The following NIN variants were observed in gnomAD, a reference collection of about 807,000 sequenced individuals.
NIN encodes the protein ninein.
A neutral mutation model predicts 257.6 loss-of-function variants in NIN; 137 were observed. That is an observed-to-expected ratio of 0.53 (90% CI 0.46 to 0.61). NIN has a LOEUF of 0.61. Among genes scored for constraint, NIN ranks in the 20% least tolerant of loss-of-function variants. The probability of loss-of-function intolerance (pLI) is 0.00; values close to 1 mark genes in which losing one functional copy is unlikely to be tolerated. For synonymous variants in NIN, 918 were observed against 919.8 expected (o/e 1.00, Z 0.04); for missense variants, 2,439 against 2,501.2 (o/e 0.98, Z 0.53).
chr14:50,797,386 GA>G (rs760497176), intron 4 of NIN, among the ~76,000 whole-genome samples: 1 of 152,132 alleles, frequency 6.6e-6, no homozygotes, highest in East Asian at 1.9e-4. Context: ...GTGAGCCTGG[GA>G]AATCATTCCC....
intron 5 of NIN, among the ~76,000 whole-genome samples, chr14:50,791,420 C>T (rs2043584093): frequency 6.6e-6 from 1 of 152,018 alleles, no homozygotes; most frequent in African/African-American, 2.4e-5. Flanking sequence ...ACTTCTCATC[C>T]ACACTACTCT....
In NIN at chr14:50,725,178, C is replaced by G. The variant is rs190277044; in HGVS notation, c.6192+775G>C. 1.4e-3 allele frequency among the ~76,000 whole-genome samples: 220 copies of G among 152,252 alleles called. 2 individuals carry two copies. Among genetic ancestry groups the G allele is most frequent in the Non-Finnish European group, 5.0e-4 (34 of 68,014 alleles). On this transcript the variant is annotated intron_variant, in intron 30 of 30. Coordinates refer to ENST00000530997, the MANE Select transcript of NIN (RefSeq NM_020921.4). ...CTGTCTACAGCTGAATTCAGACCCT[C>G]TCTTGGGGTTGTTATTCTTAGCTTT...
At chr14:50,783,209 C>T (rs931169131) in intron 5 of NIN, among the ~76,000 whole-genome samples, 37 of 131,002 alleles carry the variant, frequency 2.8e-4, no homozygotes, top group African/African-American at 1.1e-3. Flanking sequence ...CTACCACGCC[C>T]GGCTCATTTT....
In NIN at chr14:50,770,575, A is replaced by G. The variant is rs201638942; in HGVS notation, c.1260-13T>C. 2.3e-4 allele frequency: 375 copies of G among 1,611,858 alleles called. No homozygotes were observed. The highest frequency in any genetic ancestry group is 1.5e-3 in the Middle Eastern group (9 of 6,048). On this transcript the variant is annotated splice_polypyrimidine_tract_variant and intron_variant, in intron 11 of 30. Coordinates refer to ENST00000530997, the MANE Select transcript of NIN (RefSeq NM_020921.4). ...TTCATCCAGTTTCCTGTAACGAAGAAAAATGGACAAGCTGCCATCACGTCT... is the reference window on the plus strand; with the variant it reads ...TTCATCCAGTTTCCTGTAACGAAGAGAAATGGACAAGCTGCCATCACGTCT...
At chr14:50,813,335 A>T (rs2044727101) in intron 3 of NIN, among the ~76,000 whole-genome samples, 1 of 152,262 alleles carries the variant, frequency 6.6e-6, no homozygotes, top group Admixed American at 6.5e-5. Flanking sequence ...CATTTGAATA[A>T]TAATTGCTGC....
At chr14:50,800,464 T>C (rs1485272772) in intron 4 of NIN, among the ~76,000 whole-genome samples, 5 of 152,204 alleles carry the variant, frequency 3.3e-5, no homozygotes, top group African/African-American at 1.2e-4. Flanking sequence ...TTTGAAACAT[T>C]TCATATTTTT....
intron 3 of NIN, among the ~76,000 whole-genome samples, chr14:50,814,872 C>T (rs555641507): frequency 2.0e-5 from 3 of 152,290 alleles, no homozygotes; most frequent in Admixed American, 6.5e-5. Context: ...CTTCCTTACA[C>T]ATTATACAAA....
chr14:50,815,914 C>T (rs1391423163), intron 3 of NIN, among the ~76,000 whole-genome samples: 1 of 152,042 alleles, frequency 6.6e-6, no homozygotes, highest in East Asian at 1.9e-4. Context: ...GAGGCTGAGG[C>T]AGAATTGCTT....
intron 5 of NIN, among the ~76,000 whole-genome samples, chr14:50,788,543 G>A (rs1356580593): frequency 1.3e-5 from 2 of 152,134 alleles, no homozygotes; most frequent in African/African-American, 4.8e-5. Flanking sequence ...ATAGGAGAAG[G>A]CCCTCCAAAT....
In NIN at chr14:50,721,572, G is replaced by A. The variant is rs1279908769; in HGVS notation, c.*1891C>T. On this transcript the variant is annotated 3_prime_UTR_variant, in exon 31 of 31. Coordinates refer to ENST00000530997, the MANE Select transcript of NIN (RefSeq NM_020921.4). ...AGTTTTAAGTGAAACAATTTTCTGT[G>A]AAAGCTAATGCCATACAAGTAGTCA... The A allele has an allele frequency of 9.2e-6, 2 of 217,504 alleles. No homozygotes were observed. Among genetic ancestry groups the A allele is most frequent in the Non-Finnish European group, 1.9e-5 (2 of 107,964 alleles). The allele number at this position is 217,504 out of a possible 1,614,324, so 13.5% of individuals were successfully genotyped here. A position where few individuals can be genotyped will look rare whatever the true frequency, so the allele number is the denominator to read the frequency against.
In NIN at chr14:50,722,250, T is replaced by G. The variant is rs1236959296; in HGVS notation, c.*1213A>C. ...AGTGGAAAGTCCTATTTGGCACTCC[T>G]TGACCTCAGGTGGCATGCCAATGAT... On this transcript the variant is annotated 3_prime_UTR_variant, in exon 31 of 31. Coordinates refer to ENST00000530997, the MANE Select transcript of NIN (RefSeq NM_020921.4). The G allele has an allele frequency of 4.5e-6, 1 of 224,446 alleles. No individual in the cohort carries two copies. Among genetic ancestry groups the G allele is most frequent in the Non-Finnish European group, 8.9e-6 (1 of 112,528 alleles). 13.9% of individuals were successfully genotyped at this position (224,446 alleles called of 1,614,324 possible). A position where few individuals can be genotyped will look rare whatever the true frequency, so the allele number is the denominator to read the frequency against.
At chr14:50,736,093 A>G (rs749570796) in intron 27 of NIN, among the ~76,000 whole-genome samples, 7 of 152,200 alleles carry the variant, frequency 4.6e-5, no homozygotes, top group Non-Finnish European at 8.8e-5. Flanking sequence ...GAGAGTACAT[A>G]AAACCTGATT....
chr14:50,822,114 G>A (rs2045249699), intron 2 of NIN, 37 bp from the exon 3 acceptor site: 6 of 1,485,034 alleles, frequency 4.0e-6, no homozygotes, highest in Non-Finnish European at 5.6e-6. Flanking sequence ...GGTTGTGGCA[G>A]CCTCTCCAGT....
rs117673850 is a variant in NIN, at chr14:50,754,278, T to C, written c.4734+285A>G. Among the ~76,000 whole-genome samples, 13 of 152,368 alleles carry C rather than the reference T, an allele frequency of 8.5e-5. No individual in the cohort carries two copies. In the East Asian group the frequency reaches 2.5e-3, roughly 29 times the overall value. ...GAAACTGCACAAGGGCTACAGCTAA[T>C]ATTTCGTAGGTATGGTTTTAGAGGT... On this transcript the variant is annotated intron_variant, in intron 20 of 30. Transcript: ENST00000530997.
chr14:50,795,032 AT>A (rs1198192024), intron 4 of NIN, among the ~76,000 whole-genome samples: 1 of 152,202 alleles, frequency 6.6e-6, no homozygotes, highest in Non-Finnish European at 1.5e-5. Context: ...TAAATTGTTT[AT>A]TTCATTATCT....
At position 50,734,390 on chromosome 14, in the gene NIN, C is replaced by A. The variant is rs181505399; in HGVS notation, c.5877+1126G>T. On this transcript the variant is annotated intron_variant, in intron 28 of 30. Transcript: ENST00000530997. The stretch of plus-strand genomic sequence containing the variant: ...TACAGGGGTAAGCCACTGCGCCCGG[C>A]CCCATTTCTTCTTATAATTCTGGCT... Among the ~76,000 whole-genome samples, 694 of 152,280 alleles carry A rather than the reference C, an allele frequency of 4.6e-3. 3 individuals carry two copies. The highest frequency in any genetic ancestry group is 5.9e-3 in the Non-Finnish European group (400 of 68,024).
chr14:50,779,630 T>C (rs1281347042), intron 5 of NIN, among the ~76,000 whole-genome samples: 3 of 151,912 alleles, frequency 2.0e-5, no homozygotes, highest in Non-Finnish European at 2.9e-5. Flanking sequence ...AGGTGGCGGG[T>C]GCCTGTAGTC....
At chr14:50,759,593 A>C (rs2042190746) in intron 17 of NIN, among the ~76,000 whole-genome samples, 1 of 151,388 alleles carries the variant, frequency 6.6e-6, no homozygotes, top group Non-Finnish European at 1.5e-5. Context: ...TCCCGGGTTC[A>C]CGCCATTCTC....
chr14:50,774,560 T>G (rs1302346079), intron 7 of NIN, among the ~76,000 whole-genome samples: 1 of 152,242 alleles, frequency 6.6e-6, no homozygotes, highest in Non-Finnish European at 1.5e-5. Context: ...CAAGATCCCT[T>G]AACTTTTCTA....
Sources: gnomAD v4.1 joint callset for allele counts (sites outside exome capture counted in the v4.1 genomes callset) on GRCh38, gnomAD v4.1.1 for gene constraint, MANE v1.5 for transcripts, NCBI Gene and HGNC (gene_info 2026-07-23, HGNC 2026-07-21) for gene names.